KDM3B: variants seen among roughly 807,000 people sequenced by gnomAD.
KDM3B encodes lysine demethylase 3B.
KDM3B carries 10 observed loss-of-function variants against 170.0 expected under a neutral mutation model. That is an observed-to-expected ratio of 0.06 (90% CI 0.04 to 0.10). The LOEUF (loss-of-function observed/expected upper bound fraction) is 0.10. KDM3B is among the 10% of genes least tolerant of loss of function. KDM3B has a pLI of 1.00. For missense variants in KDM3B, 1,394 were observed against 2,195.2 expected, an observed-to-expected ratio of 0.64 and a Z score of 7.29; for synonymous variants, 831 against 834.8, an observed-to-expected ratio of 1.00 and a Z score of 0.08.
intron 11 of KDM3B, 33 bp from the exon 12 acceptor site, chr5:138,415,099 C>A: frequency 1.4e-6 from 2 of 1,473,352 alleles, no homozygotes; most frequent in Middle Eastern, 1.8e-4. Context: ...TTTTGTGACC[C>A]TTATAAAATA....
At chr5:138,382,446 C>T (rs780764740) in intron 6 of KDM3B, among the ~76,000 whole-genome samples, 9 of 151,586 alleles carry the variant, frequency 5.9e-5, no homozygotes, top group African/African-American at 9.7e-5. Flanking sequence ...AGCAAGACTC[C>T]GTCTCAAAAA....
intron 17 of KDM3B, chr5:138,425,833 C>T (rs879520034): frequency 1.7e-5 from 5 of 301,846 alleles, no homozygotes; most frequent in Admixed American, 8.7e-5. Context: ...TAGCGAAACC[C>T]CACCTCTACT....
At chr5:138,407,443 G>C (rs1762852391) in intron 11 of KDM3B, among the ~76,000 whole-genome samples, 1 of 152,076 alleles carries the variant, frequency 6.6e-6, no homozygotes, top group Admixed American at 6.6e-5. Flanking sequence ...ACTAGAGAGA[G>C]AGCTGATTTC....
chr5:138,376,736 G>A (rs1014238839), intron 3 of KDM3B, among the ~76,000 whole-genome samples: 5 of 151,484 alleles, frequency 3.3e-5, no homozygotes, highest in African/African-American at 1.2e-4. Flanking sequence ...AAAAGGCAGA[G>A]GTGGCTTCTC....
intron 11 of KDM3B, among the ~76,000 whole-genome samples, chr5:138,409,018 G>A (rs1458880558): frequency 6.6e-6 from 1 of 152,072 alleles, no homozygotes; most frequent in Non-Finnish European, 1.5e-5. Flanking sequence ...GTCTGAAAAG[G>A]CTCTTTGGAG....
intron 9 of KDM3B, 130 bp downstream of exon 9, chr5:138,393,502 G>C: frequency 1.4e-6 from 1 of 729,820 alleles, no homozygotes; most frequent in Non-Finnish European, 2.3e-6. Context: ...TGCTCTCAGC[G>C]TCTGTGAAGA....
intron 21 of KDM3B, 136 bp downstream of exon 21, chr5:138,430,101 C>A: frequency 7.2e-7 from 1 of 1,390,942 alleles, no homozygotes; most frequent in Non-Finnish European, 9.7e-7. Context: ...GTGGAAAAGC[C>A]CAAAGGCTTG....
At chr5:138,382,467 TA>T (rs1256300087) in intron 6 of KDM3B, among the ~76,000 whole-genome samples, 2 of 151,532 alleles carry the variant, frequency 1.3e-5, no homozygotes, top group African/African-American at 2.4e-5. Context: ...AAAAAGTAAA[TA>T]AATAAAAATC....
Position 138,391,390 on chromosome 5 carries a change from C to T in KDM3B, c.1758C>T (p.Gly586=), listed in dbSNP as rs758286196. The T allele has an allele frequency of 5.0e-5, 81 of 1,613,620 alleles. No individual in the cohort carries two copies. The highest frequency in any genetic ancestry group is 6.8e-5 in the Non-Finnish European group (80 of 1,179,756). The change falls in exon 8 of 24, where the codon GGC becomes GGT. Residue 586 remains glycine (G), a synonymous_variant. Transcript: ENST00000314358. This position sits in a 1 kb window ranked among gnomAD's most constrained non-coding sequence, Gnocchi z 5.0. The part of the protein sequence containing the change: ...GTDTKPGSKA[G]SSVDRKVPAE... Reference sequence around the variant, plus strand: ...ACACTAAGCCAGGCTCTAAGGCTGGCAGCTCTGTGGACCGGAAAGTGCCTG... The same window carrying T: ...ACACTAAGCCAGGCTCTAAGGCTGGTAGCTCTGTGGACCGGAAAGTGCCTG...
chr5:138,431,628 A>G, intron 23 of KDM3B, 69 bp downstream of exon 23: 2 of 1,318,488 alleles, frequency 1.5e-6, no homozygotes, highest in South Asian at 3.8e-5. Flanking sequence ...CGCAGAAAGC[A>G]CATTCTCCTT....
rs916349890 is a variant in KDM3B at position 138,353,084 on chromosome 5, G to C, written c.192+97G>C. ...TGTGAGGGGGCGGTGGGATGGGGGT[G>C]ACCCATTTCCGTGCCCCCGGGTCTC... On this transcript the variant is annotated intron_variant, in intron 1 of 23. Transcript: ENST00000314358. 17 of 951,652 alleles carry C rather than the reference G, an allele frequency of 1.8e-5. No individual in the cohort carries two copies. The African/African-American group carries it at 2.9e-4, about 16-fold the overall frequency. 59.0% of individuals were successfully genotyped at this position (951,652 alleles called of 1,614,324 possible). A position where few individuals can be genotyped will look rare whatever the true frequency, so the allele number is the denominator to read the frequency against.
In KDM3B at chr5:138,424,176, C is replaced by T. The variant is rs1763338534; in HGVS notation, c.4074C>T (p.Asn1358=). Residue 1358 remains asparagine, a synonymous_variant, in exon 16 of 24, where the codon AAC becomes AAT. Transcript: ENST00000314358. The stretch of plus-strand genomic sequence containing the variant: ...CAGATGCTTCAAAGCGGGCCTGCAA[C>T]TTGACTGATACCCAGAAGGAAGTGA... The part of the protein sequence containing the change: ...KTSDASKRAC[N]LTDTQKEVKE... 1.2e-6 allele frequency: 2 copies of T among 1,613,952 alleles called. No individual in the cohort carries two copies. The highest frequency in any genetic ancestry group is 8.5e-7 in the Non-Finnish European group (1 of 1,179,996).
In KDM3B at chr5:138,386,025, G is replaced by C. The variant is rs767447186; in HGVS notation, c.784G>C (p.Gly262Arg). 6.3e-7 allele frequency: 1 copy of C among 1,596,614 alleles called. No homozygotes were observed. Residue 262 changes from glycine (G) to arginine (R), a missense_variant, in exon 7 of 24, where the codon GGT becomes CGT. By Grantham distance (125) the Gly-to-Arg change is moderately radical. This residue lies in a region of KDM3B where 166 missense variants were observed against 216.4 expected (regional missense o/e 0.77). Coordinates refer to ENST00000314358, the MANE Select transcript of KDM3B (RefSeq NM_016604.4). Reference sequence around the variant, plus strand: ...TTTTTTGAATTTTGTTTTGTAGGGGGGTACGTTAAAAGCAGTAAAATCTTC... The same window carrying C: ...TTTTTTGAATTTTGTTTTGTAGGGGCGTACGTTAAAAGCAGTAAAATCTTC... ...MDNSAPQSEG[G>R]TLKAVKSSKG...
chr5:138,404,645 G>A (rs1477288781), intron 11 of KDM3B, among the ~76,000 whole-genome samples: 3 of 151,058 alleles, frequency 2.0e-5, no homozygotes, highest in African/African-American at 2.4e-5. Flanking sequence ...AAAAACAAAA[G>A]AATGACAGCC....
At chr5:138,381,022 G>A (rs1165783759) in intron 5 of KDM3B, among the ~76,000 whole-genome samples, 1 of 152,000 alleles carries the variant, frequency 6.6e-6, no homozygotes, top group African/African-American at 2.4e-5. Flanking sequence ...TTACAGACAC[G>A]CCACCACACC....
chr5:138,417,547 C>T lies in KDM3B; in HGVS notation c.3372C>T (p.Cys1124=), dbSNP rs756511479. Residue 1124 remains cysteine (C), a synonymous_variant, in exon 13 of 24, where the codon TGC becomes TGT. Transcript: ENST00000314358. The part of the protein sequence containing the change: ...ARGKWGIKAN[C]PCISRQNKSV... The stretch of plus-strand genomic sequence containing the variant: ...GCAAGTGGGGAATTAAAGCAAACTG[C>T]CCTTGTATCAGTCGACAGAACAAAT... The T allele has an allele frequency of 1.2e-6, 2 of 1,614,064 alleles. No homozygotes were observed. The highest frequency in any genetic ancestry group is 3.3e-5 in the Admixed American group (2 of 60,030).
rs914836962 is a variant in KDM3B, at chr5:138,429,039, C to G, written c.4754-787C>G. On this transcript the variant is annotated intron_variant, in intron 20 of 23. Transcript: ENST00000314358. ...TCTGGCATTCCTCCCACCTCAGCCT[C>G]CCAAGTTACTGGGCCTACAGGCAAG... 7.2e-4 allele frequency among the ~76,000 whole-genome samples: 109 copies of G among 151,118 alleles called. 1 individual carries two copies. The highest frequency in any genetic ancestry group is 2.6e-3 in the African/African-American group (105 of 41,160).
At chr5:138,397,997 C>T in intron 9 of KDM3B, 181 bp from the exon 10 acceptor site, 1 of 552,972 alleles carries the variant, frequency 1.8e-6, no homozygotes, top group Non-Finnish European at 3.2e-6. Flanking sequence ...TCTAGACCTA[C>T]TAAATGTTAT....
Position 138,434,463 on chromosome 5 carries a change from G to A in KDM3B, c.5206-1157G>A, listed in dbSNP as rs529496967. 5.3e-5 allele frequency among the ~76,000 whole-genome samples: 8 copies of A among 151,358 alleles called. No individual in the cohort carries two copies. The South Asian group carries it at 1.5e-3, about 28-fold the overall frequency. ...CTTGGGAGGCTGAGGCTGGAGAATCGCTTGAACCCAGGAGGCGGAGGTTGC... is the reference window on the plus strand; with the variant it reads ...CTTGGGAGGCTGAGGCTGGAGAATCACTTGAACCCAGGAGGCGGAGGTTGC... On this transcript the variant is annotated intron_variant, in intron 23 of 23. Transcript: ENST00000314358.
Sources: allele counts gnomAD v4.1 joint callset (sites outside exome capture counted in the v4.1 genomes callset), GRCh38; gene constraint gnomAD v4.1.1; regional missense constraint gnomAD v4.1.1; non-coding constraint Gnocchi (gnomAD v3.1); transcripts MANE v1.5; gene names NCBI Gene and HGNC (gene_info 2026-07-23, HGNC 2026-07-21).